Variants in CTNNA3 observed in about 807,000 individuals in gnomAD.
The protein encoded by CTNNA3 is catenin alpha 3.
Under a neutral mutation model 95.7 loss-of-function variants are expected in CTNNA3, and 76 were observed. The observed-to-expected ratio is 0.79, with a 90% CI of 0.66 to 0.96. CTNNA3 has a LOEUF of 0.96. Among genes scored for constraint, CTNNA3 ranks in the 40% least tolerant of loss-of-function variants. The pLI, the probability that CTNNA3 is intolerant of heterozygous loss-of-function variation, is 0.00. For missense variants in CTNNA3, 1,191 were observed against 1,089.8 expected, an observed-to-expected ratio of 1.09 and a Z score of -1.31; for synonymous variants, 431 against 374.4, an observed-to-expected ratio of 1.15 and a Z score of -1.74.
chr10:67,286,968 A>G (rs1839628643), intron 5 of CTNNA3, among the ~76,000 whole-genome samples: 1 of 152,100 alleles, frequency 6.6e-6, no homozygotes, highest in Admixed American at 6.6e-5. Flanking sequence ...CTTGAACACA[A>G]TTTCTTGGCG....
chr10:65,978,319 C>T (rs1446034992), intron 16 of CTNNA3, among the ~76,000 whole-genome samples: 2 of 152,084 alleles, frequency 1.3e-5, no homozygotes, highest in Non-Finnish European at 2.9e-5. Context: ...TATATCACCT[C>T]TCTGGAGCTT....
chr10:67,427,476 TG>T (rs1845962289), intron 5 of CTNNA3, among the ~76,000 whole-genome samples: 1 of 152,064 alleles, frequency 6.6e-6, no homozygotes, highest in African/African-American at 2.4e-5. Context: ...TGTCATGTTT[TG>T]GCCCCTTCTC....
intron 7 of CTNNA3, 130 bp from the exon 8 acceptor site, chr10:66,775,654 T>C: frequency 3.2e-6 from 2 of 628,030 alleles, no homozygotes; most frequent in Non-Finnish European, 5.7e-6. Flanking sequence ...CTATATTATA[T>C]ATGATTCATG....
intron 6 of CTNNA3, among the ~76,000 whole-genome samples, chr10:67,181,483 G>A (rs1862540926): frequency 1.3e-5 from 2 of 152,070 alleles, no homozygotes; most frequent in African/African-American, 4.8e-5. Flanking sequence ...GCTCTCTGAA[G>A]AACCCTTAAC....
chr10:66,266,658 C>A (rs999848447), intron 13 of CTNNA3, among the ~76,000 whole-genome samples: 1 of 151,970 alleles, frequency 6.6e-6, no homozygotes, highest in Admixed American at 6.6e-5. Flanking sequence ...AGTGAACATG[C>A]CTGACTACCA....
At chr10:66,141,335 A>G (rs1389301791) in intron 13 of CTNNA3, among the ~76,000 whole-genome samples, 1 of 152,078 alleles carries the variant, frequency 6.6e-6, no homozygotes, top group African/African-American at 2.4e-5. Flanking sequence ...AGTTTGCTTA[A>G]CAGTAATTAG....
chr10:67,009,463 C>A (rs1380116131), intron 7 of CTNNA3, among the ~76,000 whole-genome samples: 1 of 151,862 alleles, frequency 6.6e-6, no homozygotes, highest in Admixed American at 6.6e-5. Flanking sequence ...TATACATAAC[C>A]TCTTTCATCT....
chr10:66,360,116 C>T (rs76459586), intron 12 of CTNNA3, among the ~76,000 whole-genome samples: 15,022 of 152,012 alleles, frequency 0.099, 950 homozygotes, highest in East Asian at 0.21. Context: ...CATGAGCCAT[C>T]GCACCTGGCC....
intron 5 of CTNNA3, among the ~76,000 whole-genome samples, chr10:67,420,172 T>G (rs1845698465): frequency 6.6e-6 from 1 of 152,218 alleles, no homozygotes; most frequent in South Asian, 2.1e-4. Flanking sequence ...ATTTTATTTT[T>G]ACTAATGAAA....
chr10:67,336,256 G>A (rs186573122), intron 5 of CTNNA3, among the ~76,000 whole-genome samples: 3 of 152,252 alleles, frequency 2.0e-5, no homozygotes, highest in African/African-American at 7.2e-5. Context: ...ATGACTCTAA[G>A]TGTTCAAATG....
At chr10:66,854,971 TC>T (rs1176606394) in intron 7 of CTNNA3, among the ~76,000 whole-genome samples, 1 of 151,904 alleles carries the variant, frequency 6.6e-6, no homozygotes, top group African/African-American at 2.4e-5. Context: ...ACTTGCAAGG[TC>T]CTTGTAAAGA....
chr10:66,535,604 G>A (rs1001879393), intron 10 of CTNNA3, among the ~76,000 whole-genome samples: 1 of 152,178 alleles, frequency 6.6e-6, no homozygotes, highest in African/African-American at 2.4e-5. Flanking sequence ...AGAACTGGAT[G>A]CACTCCATAA....
intron 11 of CTNNA3, among the ~76,000 whole-genome samples, chr10:66,500,246 T>G (rs1365950359): frequency 6.6e-6 from 1 of 152,194 alleles, no homozygotes; most frequent in East Asian, 1.9e-4. Context: ...AATTATAAAT[T>G]TATTTAGTGA....
intron 11 of CTNNA3, among the ~76,000 whole-genome samples, chr10:66,476,699 A>AC (rs1349186941): frequency 7.2e-5 from 11 of 152,050 alleles, no homozygotes; most frequent in Non-Finnish European, 1.5e-4. Flanking sequence ...GTTATATAAA[A>AC]CCTCTCTACC....
At chr10:66,124,212 A>C (rs530047347) in intron 13 of CTNNA3, among the ~76,000 whole-genome samples, 1 of 152,228 alleles carries the variant, frequency 6.6e-6, no homozygotes, top group Admixed American at 6.5e-5. Context: ...TCTGCCAGAT[A>C]CCCTAAATTA....
At chr10:66,620,897 T>A (rs2660047) in intron 10 of CTNNA3, among the ~76,000 whole-genome samples, 116,864 of 152,068 alleles carry the variant, frequency 0.77, 46,201 homozygotes, top group African/African-American at 0.94. Context: ...TCTTTGTTAT[T>A]TTTCTCATCC....
chr10:67,518,517 AT>A (rs951270214), intron 5 of CTNNA3, among the ~76,000 whole-genome samples: 3 of 152,148 alleles, frequency 2.0e-5, no homozygotes, highest in African/African-American at 7.2e-5. Flanking sequence ...AATTTTACAT[AT>A]TTTTATATCA....
At chr10:65,938,904 C>G (rs954434636) in intron 17 of CTNNA3, among the ~76,000 whole-genome samples, 1 of 148,228 alleles carries the variant, frequency 6.7e-6, no homozygotes, top group Non-Finnish European at 1.5e-5. Context: ...TTTTTTTTCT[C>G]TTTTTTCTTT....
At chr10:66,774,056 G>A (rs991897258) in intron 8 of CTNNA3, among the ~76,000 whole-genome samples, 6 of 152,258 alleles carry the variant, frequency 3.9e-5, no homozygotes, top group African/African-American at 1.4e-4. Flanking sequence ...CCACACACAA[G>A]TAATTGCATT....
Sources: gnomAD v4.1 joint callset for allele counts (sites outside exome capture counted in the v4.1 genomes callset) on GRCh38, gnomAD v4.1.1 for gene constraint, MANE v1.5 for transcripts, NCBI Gene and HGNC (gene_info 2026-07-23, HGNC 2026-07-21) for gene names.